PDE12: variants seen among roughly 807,000 people sequenced by gnomAD.
PDE12 encodes the protein 2',5'-phosphodiesterase 12.
PDE12 carries 26 observed loss-of-function variants against 45.4 expected under a neutral mutation model. The observed-to-expected ratio is 0.57, with a 90% CI of 0.42 to 0.79. The LOEUF is 0.79. PDE12 is among the 30% of genes least tolerant of loss of function. The pLI is 0.00. For missense variants in PDE12, 668 were observed against 790.0 expected (o/e 0.85, Z 1.85); for synonymous variants, 283 against 323.9 (o/e 0.87, Z 1.36).
rs1461319820 is a variant in PDE12 at position 57,563,951 on chromosome 3, A to G, written c.*3947A>G. ...GGACAATTTTTAACAGCTTTAACTG[A>G]CATGGGTAATATATAAGTTCTGTGT... is the stretch of plus-strand genomic sequence containing the variant. On this transcript the variant is annotated 3_prime_UTR_variant, in exon 3 of 3. Transcript: ENST00000311180. 1 of 152,236 alleles carries G rather than the reference A, an allele frequency of 6.6e-6. No homozygotes were observed. The highest frequency in any genetic ancestry group is 1.5e-5 in the Non-Finnish European group (1 of 68,036). 9.4% of individuals were successfully genotyped at this position (152,236 alleles called of 1,614,324 possible).
At chr3:57,634,406 C>T in the PDE12 span, 1 of 348,452 alleles carries the variant, frequency 2.9e-6, no homozygotes, top group African/African-American at 2.2e-5. Context: ...GCACTCCAGC[C>T]TGGGTGATAG....
In PDE12 at chr3:57,563,955, G is replaced by A. The variant is rs1241769056; in HGVS notation, c.*3951G>A. The A allele has an allele frequency of 6.6e-6, 1 of 152,130 alleles. No individual in the cohort carries two copies. Among genetic ancestry groups the A allele is most frequent in the Non-Finnish European group, 1.5e-5 (1 of 68,014 alleles). 9.4% of individuals were successfully genotyped at this position (152,130 alleles called of 1,614,324 possible). A position where few individuals can be genotyped will look rare whatever the true frequency, so the allele number is the denominator to read the frequency against. The stretch of plus-strand genomic sequence containing the variant: ...AATTTTTAACAGCTTTAACTGACAT[G>A]GGTAATATATAAGTTCTGTGTTCTC... On this transcript the variant is annotated 3_prime_UTR_variant, in exon 3 of 3. Coordinates refer to ENST00000311180, the MANE Select transcript of PDE12 (RefSeq NM_177966.7).
At chr3:57,642,804 G>A in the PDE12 span, among the ~76,000 whole-genome samples, 2 of 152,018 alleles carry the variant, frequency 1.3e-5, no homozygotes, top group Non-Finnish European at 2.9e-5. Flanking sequence ...TCAGGAGTTC[G>A]AGACCAACCT....
chr3:57,590,143 A>C, the PDE12 span, among the ~76,000 whole-genome samples: 1 of 147,056 alleles, frequency 6.8e-6, no homozygotes, highest in East Asian at 1.9e-4. Context: ...AAAACAAAAA[A>C]CAAAAAAAGA....
At chr3:57,581,908 T>C in the PDE12 span, among the ~76,000 whole-genome samples, 1 of 152,248 alleles carries the variant, frequency 6.6e-6, no homozygotes, top group Non-Finnish European at 1.5e-5. Context: ...TGTGAGTTTA[T>C]TATGCTATTC....
the PDE12 span, among the ~76,000 whole-genome samples, chr3:57,638,927 T>C: frequency 6.6e-6 from 1 of 151,950 alleles, no homozygotes; most frequent in Non-Finnish European, 1.5e-5. Context: ...CAAGATCCTG[T>C]CTCTACAGAA....
Position 57,559,673 on chromosome 3 carries a change from C to T in PDE12, c.1499C>T (p.Thr500Ile), listed in dbSNP as rs1329814350. ...PVIFCGDFNSTPSTGMYHFVI... is the reference protein window; with the variant it reads ...PVIFCGDFNSIPSTGMYHFVI... ...ATATTTTGTGGGGACTTTAATAGTA[C>T]ACCATCAACAGGAATGTATCATTTT... Residue 500 changes from threonine (T) to isoleucine (I), a missense_variant, in exon 3 of 3, where the codon ACA (threonine) becomes ATA (isoleucine). Physicochemically the swap from Thr to Ile is moderately conservative, Grantham distance 89 (BLOSUM62 -1). Transcript: ENST00000311180. 1.2e-6 allele frequency: 2 copies of T among 1,614,012 alleles called. No homozygotes were observed. Among genetic ancestry groups the T allele is most frequent in the Non-Finnish European group, 1.7e-6 (2 of 1,180,032 alleles).
the PDE12 span, among the ~76,000 whole-genome samples, chr3:57,637,892 T>C: frequency 6.6e-6 from 1 of 151,948 alleles, no homozygotes; most frequent in African/African-American, 2.4e-5. Context: ...CCCCAGCACT[T>C]TGGGAGGCTG....
the PDE12 span, among the ~76,000 whole-genome samples, chr3:57,616,389 AAGG>A: frequency 8.9e-6 from 1 of 112,750 alleles, no homozygotes; most frequent in Admixed American, 8.1e-5. Flanking sequence ...GGAGGAGGAG[AAGG>A]AGAAGAAGAA....
At chr3:57,597,406 G>A in the PDE12 span, 2 of 328,186 alleles carry the variant, frequency 6.1e-6, no homozygotes, top group South Asian at 3.7e-5. Flanking sequence ...CGGCGGCCGC[G>A]GCGACTCCAG....
the PDE12 span, among the ~76,000 whole-genome samples, chr3:57,624,299 C>T: frequency 9.3e-4 from 141 of 152,072 alleles, no homozygotes; most frequent in African/African-American, 3.1e-3. Context: ...TACAGGCGCC[C>T]GCCACCACGC....
chr3:57,584,477 A>G, the PDE12 span: 1 of 1,603,978 alleles, frequency 6.2e-7, no homozygotes, highest in African/African-American at 1.3e-5. Context: ...AGAAGAAGAC[A>G]TTATAGATTT....
At chr3:57,585,535 C>T in the PDE12 span, among the ~76,000 whole-genome samples, 392 of 152,238 alleles carry the variant, frequency 2.6e-3, 1 homozygote, top group Non-Finnish European at 4.5e-3. Flanking sequence ...TTAATGGGTG[C>T]AGCACACCAA....
At chr3:57,601,991 G>A in the PDE12 span, among the ~76,000 whole-genome samples, 1 of 151,538 alleles carries the variant, frequency 6.6e-6, no homozygotes, top group Admixed American at 6.6e-5. Flanking sequence ...CTGACCTCAA[G>A]TGATCTGCCC....
the PDE12 span, among the ~76,000 whole-genome samples, chr3:57,603,177 A>G: frequency 0.13 from 20,226 of 151,924 alleles, 1,448 homozygotes; most frequent in South Asian, 0.21. Context: ...AAAAAAAAAA[A>G]GGGGTTTCAA....
At chr3:57,578,509 G>C in the PDE12 span, among the ~76,000 whole-genome samples, 1 of 151,474 alleles carries the variant, frequency 6.6e-6, no homozygotes, top group Non-Finnish European at 1.5e-5. Flanking sequence ...CTCAGACAGG[G>C]TCTCAACTCT....
At chr3:57,651,352 T>C in the PDE12 span, among the ~76,000 whole-genome samples, 27,306 of 152,200 alleles carry the variant, frequency 0.18, 2,884 homozygotes, top group East Asian at 0.48. Context: ...TCTGTACTGA[T>C]TCATGATACT....
At chr3:57,646,609 C>T in the PDE12 span, among the ~76,000 whole-genome samples, 12 of 152,252 alleles carry the variant, frequency 7.9e-5, no homozygotes, top group Admixed American at 5.9e-4. Context: ...AGACATAAGT[C>T]CCTTTTATCC....
downstream of PDE12, among the ~76,000 whole-genome samples, chr3:57,567,723 C>G (rs932371885): frequency 2.0e-5 from 3 of 152,174 alleles, no homozygotes; most frequent in African/African-American, 7.2e-5. Flanking sequence ...AGCTGGTAAC[C>G]AATATTTACA....
Sources: allele counts gnomAD v4.1 joint callset (sites outside exome capture counted in the v4.1 genomes callset), GRCh38; gene constraint gnomAD v4.1.1; transcripts MANE v1.5; gene names NCBI Gene and HGNC (gene_info 2026-07-23, HGNC 2026-07-21).